The following LDB2 variants were observed in gnomAD, a reference collection of about 807,000 sequenced individuals.
The protein encoded by LDB2 is LIM domain binding 2, also known as LIM domain-binding protein 2.
In LDB2, 12 loss-of-function variants were observed where a neutral mutation model predicts 44.3. The ratio of observed to expected loss-of-function variants is 0.27; its 90% CI spans 0.17 to 0.44. LDB2 has a LOEUF of 0.44. Among genes scored for constraint, LDB2 ranks in the 20% least tolerant of loss-of-function variants. The pLI is 1.00. For missense variants in LDB2, 344 were observed against 473.5 expected (o/e 0.73, Z 2.54); for synonymous variants, 164 against 174.8 (o/e 0.94, Z 0.49).
chr4:16,516,663 T>G (rs1399318020), intron 5 of LDB2, among the ~76,000 whole-genome samples: 1 of 152,230 alleles, frequency 6.6e-6, no homozygotes. Context: ...AGAGTTACAC[T>G]TATTGTGAGG....
chr4:16,506,477 A>C (rs1221587259), intron 7 of LDB2: 1 of 155,232 alleles, frequency 6.4e-6, no homozygotes, highest in Non-Finnish European at 1.4e-5. Context: ...GTTGATTTGG[A>C]AGACAGGAGC....
At chr4:16,838,648 G>A (rs181200314) in intron 1 of LDB2, among the ~76,000 whole-genome samples, 3 of 152,258 alleles carry the variant, frequency 2.0e-5, no homozygotes, top group East Asian at 3.9e-4. Context: ...GTCTTGCTTT[G>A]GAGCTCCCAA....
chr4:16,828,827 GGT>G (rs1176014802), intron 1 of LDB2, among the ~76,000 whole-genome samples: 1 of 152,110 alleles, frequency 6.6e-6, no homozygotes, highest in Non-Finnish European at 1.5e-5. Flanking sequence ...CTTGGAAGAT[GGT>G]AATTGAATAG....
intron 5 of LDB2, among the ~76,000 whole-genome samples, chr4:16,537,794 T>C (rs912121765): frequency 1.3e-5 from 2 of 152,174 alleles, no homozygotes; most frequent in African/African-American, 4.8e-5. Context: ...CTAGATCTGG[T>C]TCCTCTGCTG....
intron 1 of LDB2, among the ~76,000 whole-genome samples, chr4:16,830,958 C>T (rs1045171913): frequency 1.3e-5 from 2 of 152,144 alleles, no homozygotes; most frequent in Admixed American, 1.3e-4. Context: ...TTGTTTTCTT[C>T]TGCAAAAGGA....
chr4:16,637,452 C>A (rs1733928609), intron 2 of LDB2, among the ~76,000 whole-genome samples: 1 of 151,908 alleles, frequency 6.6e-6, no homozygotes, highest in Non-Finnish European at 1.5e-5. Flanking sequence ...AATGATGACT[C>A]ATTCATTAAT....
In LDB2 at chr4:16,575,863, A is replaced by C. The variant is rs530524238; in HGVS notation, c.615+10059T>G. 2.0e-5 allele frequency among the ~76,000 whole-genome samples: 3 copies of C among 152,276 alleles called. No homozygotes were observed. The East Asian group carries it at 5.8e-4, about 29-fold the overall frequency. On this transcript the variant is annotated intron_variant, in intron 5 of 7. Transcript: ENST00000304523. ...AGCAATTCTCTGCCTCAGTCTCCCA[A>C]GTAGCTGGGATTACAGGCACCTGCC...
intron 5 of LDB2, among the ~76,000 whole-genome samples, chr4:16,521,923 G>A (rs1416677194): frequency 6.6e-6 from 1 of 152,184 alleles, no homozygotes; most frequent in Non-Finnish European, 1.5e-5. Context: ...GACTTTGGGT[G>A]TCTGGGAGCC....
chr4:16,549,438 G>A (rs759797344), intron 5 of LDB2, among the ~76,000 whole-genome samples: 1 of 152,206 alleles, frequency 6.6e-6, no homozygotes, highest in Non-Finnish European at 1.5e-5. Flanking sequence ...CAGTCTATCA[G>A]CAAATACTAT....
intron 1 of LDB2, among the ~76,000 whole-genome samples, chr4:16,854,718 T>C (rs1281698418): frequency 1.6e-5 from 2 of 126,932 alleles, no homozygotes; most frequent in Non-Finnish European, 3.5e-5. Flanking sequence ...TATATGTGTA[T>C]ATTATGTGTG....
intron 2 of LDB2, among the ~76,000 whole-genome samples, chr4:16,644,181 G>A (rs1358575945): frequency 1.3e-5 from 2 of 152,202 alleles, no homozygotes; most frequent in Admixed American, 1.3e-4. Context: ...GGGAGAGTGT[G>A]TGTGAGATTT....
At chr4:16,742,056 CTTTT>C (rs1351020599) in intron 2 of LDB2, among the ~76,000 whole-genome samples, 1 of 147,076 alleles carries the variant, frequency 6.8e-6, no homozygotes. Context: ...TTCTTTCTTT[CTTTT>C]TTTCTTTTCT....
chr4:16,790,519 T>C (rs975564056), intron 1 of LDB2, among the ~76,000 whole-genome samples: 1 of 152,046 alleles, frequency 6.6e-6, no homozygotes, highest in African/African-American at 2.4e-5. Context: ...AAAAAATATA[T>C]AAATAAAAAT....
At chr4:16,787,136 G>T (rs182315990) in intron 1 of LDB2, among the ~76,000 whole-genome samples, 1 of 152,274 alleles carries the variant, frequency 6.6e-6, no homozygotes, top group East Asian at 1.9e-4. Context: ...AAAAGTAGCA[G>T]GTGCTGAAGA....
intron 1 of LDB2, among the ~76,000 whole-genome samples, chr4:16,792,292 TCTTA>T (rs1775929419): frequency 6.6e-6 from 1 of 152,344 alleles, no homozygotes; most frequent in African/African-American, 2.4e-5. Context: ...ATACTTATAT[TCTTA>T]CTGTGTGCCA....
intron 2 of LDB2, among the ~76,000 whole-genome samples, chr4:16,599,407 C>A (rs1018207149): frequency 6.6e-6 from 1 of 152,132 alleles, no homozygotes; most frequent in Admixed American, 6.6e-5. Flanking sequence ...TCCCTCTTGA[C>A]TTTCAGGATC....
intron 1 of LDB2, among the ~76,000 whole-genome samples, chr4:16,888,152 A>G (rs560840249): frequency 6.6e-6 from 1 of 152,352 alleles, no homozygotes; most frequent in East Asian, 1.9e-4. Context: ...GCTGGGCTGC[A>G]TATTGAGAAG....
chr4:16,862,384 A>T (rs1236086503), intron 1 of LDB2, among the ~76,000 whole-genome samples: 1 of 152,104 alleles, frequency 6.6e-6, no homozygotes, highest in African/African-American at 2.4e-5. Context: ...CTGTAATCCC[A>T]GCACTTTGGG....
intron 2 of LDB2, among the ~76,000 whole-genome samples, chr4:16,690,930 T>C (rs1445268669): frequency 6.6e-6 from 1 of 152,238 alleles, no homozygotes; most frequent in African/African-American, 2.4e-5. Context: ...GTTTCCCCTA[T>C]GTCTCAAGGA....
Sources: gnomAD v4.1 joint callset for allele counts (sites outside exome capture counted in the v4.1 genomes callset) on GRCh38, gnomAD v4.1.1 for gene constraint, MANE v1.5 for transcripts, NCBI Gene and HGNC (gene_info 2026-07-23, HGNC 2026-07-21) for gene names.